The following ZNF195 variants were observed in gnomAD, a reference collection of about 807,000 sequenced individuals.
ZNF195 encodes the protein zinc finger protein 195, also known as hypoxia-regulated factor-1.
In ZNF195, 11 loss-of-function variants were observed where a neutral mutation model predicts 19.5. That is an observed-to-expected ratio of 0.57 (90% CI 0.36 to 0.94). The LOEUF (loss-of-function observed/expected upper bound fraction) is 0.94. Among genes scored for constraint, ZNF195 ranks in the 40% least tolerant of loss-of-function variants. The pLI, the probability that ZNF195 is intolerant of heterozygous loss-of-function variation, is 0.01. For synonymous variants in ZNF195, 214 were observed against 248.1 expected, an observed-to-expected ratio of 0.86 and a Z score of 1.29; for missense variants, 582 against 709.0, an observed-to-expected ratio of 0.82 and a Z score of 2.03.
At chr11:3,361,618 C>T (rs1848636091) in intron 4 of ZNF195, 125 bp downstream of exon 4, 1 of 478,252 alleles carries the variant, frequency 2.1e-6, no homozygotes, top group African/African-American at 2.2e-5. Context: ...AGAAGCTCAA[C>T]ACATCAACTA....
intron 1 of ZNF195, chr11:3,377,741 T>C (rs2133750112): frequency 9.3e-7 from 1 of 1,079,842 alleles, no homozygotes; most frequent in Non-Finnish European, 1.2e-6. Flanking sequence ...TGAAATTCAC[T>C]AGATGCTCCA....
intron 3 of ZNF195, chr11:3,362,109 T>C (rs573856911): frequency 1.8e-4 from 64 of 363,078 alleles, no homozygotes; most frequent in Admixed American, 5.7e-4. Flanking sequence ...GATAGTCTAA[T>C]TGCTGAACAC....
chr11:3,377,780 G>A, intron 1 of ZNF195: 1 of 1,018,808 alleles, frequency 9.8e-7, no homozygotes, highest in Non-Finnish European at 1.2e-6. Context: ...GGCATCCTGT[G>A]TTATCCCTGG....
intron 3 of ZNF195, among the ~76,000 whole-genome samples, chr11:3,370,454 G>A (rs985430423): frequency 2.0e-5 from 3 of 152,140 alleles, no homozygotes; most frequent in South Asian, 2.1e-4. Context: ...CCTAGTGTTC[G>A]GAGAAAACTG....
intron 3 of ZNF195, chr11:3,367,062 GTA>G: frequency 1.1e-5 from 2 of 177,432 alleles, no homozygotes; most frequent in South Asian, 4.5e-5. Context: ...GAAACTCTGT[GTA>G]AAAAAAAAAA....
Position 3,359,355 on chromosome 11 carries a change from C to T in ZNF195, c.1653G>A (p.Lys551=), listed in dbSNP as rs886892222. The T allele has an allele frequency of 1.9e-6, 3 of 1,613,704 alleles. No homozygotes were observed. The African/African-American group carries it at 4.0e-5, about 22-fold the overall frequency. Reference sequence around the variant, plus strand: ...TGAAGACTCTGCCACATTCTTCACACTTGTAGGGTTTCTCTCCAGTATGAA... The same window carrying T: ...TGAAGACTCTGCCACATTCTTCACATTTGTAGGGTTTCTCTCCAGTATGAA... The part of the protein sequence containing the change: ...KRIHTGEKPY[K]CEECGRVFMW... The change falls in exon 6 of 6, where the codon AAG becomes AAA. Residue 551 remains lysine (K), a synonymous_variant. Transcript: ENST00000399602. This position sits in a 1 kb window ranked among gnomAD's most constrained non-coding sequence, Gnocchi z 5.5.
intron 1 of ZNF195, chr11:3,377,972 C>T: frequency 1.0e-6 from 1 of 954,600 alleles, no homozygotes; most frequent in Non-Finnish European, 1.2e-6. Context: ...TCTCTGCTTT[C>T]CTGTCACGTG....
chr11:3,361,174 C>A (rs540969094), intron 4 of ZNF195, among the ~76,000 whole-genome samples: 162 of 152,186 alleles, frequency 1.1e-3, no homozygotes, highest in African/African-American at 3.5e-3. Context: ...AATACACACA[C>A]AATTCCACAC....
In ZNF195 at chr11:3,378,022, C is replaced by T. The variant is rs1288770310; in HGVS notation, c.3+1016G>A. 6 of 861,810 alleles carry T rather than the reference C, an allele frequency of 7.0e-6. No homozygotes were observed. In the African/African-American group the frequency reaches 9.1e-5, roughly 13 times the overall value. The allele number at this position is 861,810 out of a possible 1,614,324, so 53.4% of individuals were successfully genotyped here. A position where few individuals can be genotyped will look rare whatever the true frequency, so the allele number is the denominator to read the frequency against. On this transcript the variant is annotated intron_variant, in intron 1 of 5. Transcript: ENST00000399602. ...AGAAAACAAATCTCTTAAAAAGTGC[C>T]GTCCAGGCTGGGCGCAGTGGCTCAC...
At chr11:3,378,174 G>C (rs1486007997) in intron 1 of ZNF195, among the ~76,000 whole-genome samples, 3 of 152,068 alleles carry the variant, frequency 2.0e-5, no homozygotes, top group Non-Finnish European at 4.4e-5. Context: ...GCCGGGCGTG[G>C]TGGTGCAGGA....
chr11:3,363,311 T>C (rs1483590351), intron 3 of ZNF195: 1 of 152,070 alleles, frequency 6.6e-6, no homozygotes, highest in African/African-American at 2.4e-5. Flanking sequence ...ACCTCACAGA[T>C]ATAGAGAGAA....
At chr11:3,375,059 A>G (rs1849388831) in intron 1 of ZNF195, among the ~76,000 whole-genome samples, 1 of 152,200 alleles carries the variant, frequency 6.6e-6, no homozygotes, top group South Asian at 2.1e-4. Flanking sequence ...TAAACTCCAA[A>G]CTGATTTAAC....
chr11:3,371,135 T>G, intron 2 of ZNF195, 65 bp from the exon 3 acceptor site: 13 of 1,440,180 alleles, frequency 9.0e-6, no homozygotes, highest in Non-Finnish European at 1.2e-5. Context: ...CCTTGTACTG[T>G]GCTTAGTAGA....
At chr11:3,371,233 C>T (rs1344188447) in intron 2 of ZNF195, 163 bp from the exon 3 acceptor site, 5 of 733,024 alleles carry the variant, frequency 6.8e-6, no homozygotes, top group Non-Finnish European at 1.1e-5. Flanking sequence ...TATTTTAAAT[C>T]TGTGGGTTCT....
rs184538882 is a variant in ZNF195, at chr11:3,378,657, C to G, written c.3+381G>C. ...GTTGGGTCCTCTGCCATTCATGAATCGCTCTTTGCTCAAATAAAACTCTTT... is the reference window on the plus strand; with the variant it reads ...GTTGGGTCCTCTGCCATTCATGAATGGCTCTTTGCTCAAATAAAACTCTTT... On this transcript the variant is annotated intron_variant, in intron 1 of 5. Transcript: ENST00000399602. 6.0e-4 allele frequency among the ~76,000 whole-genome samples: 92 copies of G among 152,340 alleles called. 1 individual carries two copies. Among genetic ancestry groups the G allele is most frequent in the Middle Eastern group, 3.4e-3 (1 of 294 alleles).
chr11:3,362,467 G>C, intron 3 of ZNF195: 3 of 405,220 alleles, frequency 7.4e-6, no homozygotes, highest in East Asian at 6.8e-5. Context: ...AGGGATATCA[G>C]TAACAAAGTT....
Position 3,360,824 on chromosome 11 carries a change from G to A in ZNF195, c.374-36C>T, listed in dbSNP as rs550583352. Reference sequence around the variant, plus strand: ...GATAAGAAGAAAAACAGTCTGTTACGTTTACCCACTGCAGCCCCCGCTCCT... The same window carrying A: ...GATAAGAAGAAAAACAGTCTGTTACATTTACCCACTGCAGCCCCCGCTCCT... On this transcript the variant is annotated intron_variant, in intron 4 of 5. Transcript: ENST00000399602. 5.5e-5 allele frequency: 85 copies of A among 1,544,536 alleles called. No individual in the cohort carries two copies. In the African/African-American group the frequency reaches 8.5e-4, roughly 15 times the overall value.
chr11:3,377,360 G>A (rs571716815), intron 1 of ZNF195, among the ~76,000 whole-genome samples: 16 of 152,230 alleles, frequency 1.1e-4, no homozygotes, highest in Admixed American at 9.2e-4. Context: ...GGCCACCCCC[G>A]ATGATACACT....
At chr11:3,363,456 A>G (rs901970636) in intron 3 of ZNF195, 1 of 152,228 alleles carries the variant, frequency 6.6e-6, no homozygotes, top group African/African-American at 2.4e-5. Context: ...ATTACTATAT[A>G]TGACCAAAAT....
Sources: gnomAD v4.1 joint callset for allele counts (sites outside exome capture counted in the v4.1 genomes callset) on GRCh38, gnomAD v4.1.1 for gene constraint, Gnocchi (gnomAD v3.1) non-coding constraint, MANE v1.5 for transcripts, NCBI Gene and HGNC (gene_info 2026-07-23, HGNC 2026-07-21) for gene names.